Variants in TMEM94 observed in about 807,000 individuals in gnomAD.
TMEM94 encodes transmembrane protein 94.
Under a neutral mutation model 158.6 loss-of-function variants are expected in TMEM94, and 81 were observed. The observed-to-expected ratio is 0.51, with a 90% CI of 0.43 to 0.61. TMEM94 has a LOEUF of 0.61. Among genes scored for constraint, TMEM94 ranks in the 20% least tolerant of loss-of-function variants. TMEM94 has a pLI of 0.00. For synonymous variants in TMEM94, 751 were observed against 730.7 expected (o/e 1.03, Z -0.45); for missense variants, 1,435 against 1,762.0 (o/e 0.81, Z 3.32).
intron 2 of TMEM94, among the ~76,000 whole-genome samples, chr17:75,478,217 C>T (rs1164348756): frequency 4.2e-5 from 6 of 142,044 alleles, no homozygotes; most frequent in Non-Finnish European, 9.2e-5. Context: ...CGGGGTTTCA[C>T]CGTTTTAGCC....
chr17:75,495,047 G>A lies in TMEM94; in HGVS notation c.2728+13G>A. ...GACCTGAATCAGGGTAAGGGCAAAG[G>A]CGTGGGGTGGGGACGGGGTGGCGGT... is the stretch of plus-strand genomic sequence containing the variant. On this transcript the variant is annotated intron_variant, in intron 20 of 31. Transcript: ENST00000314256. This position sits in a 1 kb window ranked among gnomAD's most constrained non-coding sequence, Gnocchi z 5.6. The A allele has an allele frequency of 6.2e-7, 1 of 1,611,130 alleles. No homozygotes were observed. The highest frequency in any genetic ancestry group is 8.5e-7 in the Non-Finnish European group (1 of 1,178,750).
At position 75,492,261 on chromosome 17, in the gene TMEM94, T is replaced by C; in HGVS notation, c.1597-213T>C. The C allele has an allele frequency of 2.1e-6, 3 of 1,425,642 alleles. No individual in the cohort carries two copies. The highest frequency in any genetic ancestry group is 2.7e-6 in the Non-Finnish European group (3 of 1,095,654). The allele number at this position is 1,425,642 out of a possible 1,614,324, so 88.3% of individuals were successfully genotyped here. A position where few individuals can be genotyped will look rare whatever the true frequency, so the allele number is the denominator to read the frequency against. ...TAGCTCCTGCCAGTGTCATGAGATA[T>C]ATTAATAGTCCATAGAAGCAGACAG... On this transcript the variant is annotated intron_variant, in intron 14 of 31. Transcript: ENST00000314256. This position sits in a 1 kb window ranked among gnomAD's most constrained non-coding sequence, Gnocchi z 4.4.
chr17:75,493,729 C>T lies in TMEM94; in HGVS notation c.2220C>T (p.Ala740=), dbSNP rs1188020230. ...AAGTGCTGGACTTCTACCAGCGAGCCTGCCTGTCTGGGTATTGCTCTGCCT... is the reference window on the plus strand; with the variant it reads ...AAGTGCTGGACTTCTACCAGCGAGCTTGCCTGTCTGGGTATTGCTCTGCCT... ...RKKVLDFYQR[A]CLSGYCSAFA... Residue 740 remains alanine, a synonymous_variant, in exon 18 of 32, where the codon GCC becomes GCT. Coordinates refer to ENST00000314256, the MANE Select transcript of TMEM94 (RefSeq NM_014738.6). The T allele has an allele frequency of 6.8e-6, 11 of 1,613,998 alleles. No homozygotes were observed. Among genetic ancestry groups the T allele is most frequent in the Non-Finnish European group, 7.6e-6 (9 of 1,180,044 alleles).
rs772873793 is a variant in TMEM94, at chr17:75,491,403, G to C, written c.1334G>C (p.Ser445Thr). ...GGGAAGGTGGAGCCCCCTCACAGCA[G>C]CCATGAGGACCTCACCGATGGCCTA... Reference protein sequence around the residue: ...FSGKVEPPHSSHEDLTDGLST... With the variant: ...FSGKVEPPHSTHEDLTDGLST... Residue 445 changes from serine (S) to threonine (T), a missense_variant, in exon 13 of 32, where the codon AGC becomes ACC. By Grantham distance (58) the Ser-to-Thr change is moderately conservative. Transcript: ENST00000314256. This position sits in a 1 kb window ranked among gnomAD's most constrained non-coding sequence, Gnocchi z 5.1. 4.9e-5 allele frequency: 79 copies of C among 1,614,026 alleles called. No individual in the cohort carries two copies. The highest frequency in any genetic ancestry group is 6.6e-5 in the Non-Finnish European group (78 of 1,180,040).
chr17:75,491,525 G>A lies in TMEM94; in HGVS notation c.1386+70G>A, dbSNP rs774825244. 3.7e-6 allele frequency: 6 copies of A among 1,607,990 alleles called. No homozygotes were observed. Among genetic ancestry groups the A allele is most frequent in the Non-Finnish European group, 4.3e-6 (5 of 1,175,840 alleles). On this transcript the variant is annotated intron_variant, in intron 13 of 31. Transcript: ENST00000314256. This position sits in a 1 kb window ranked among gnomAD's most constrained non-coding sequence, Gnocchi z 5.1. ...CCAGGCTGTTTAGCCTTGGAGCCTGGCCAGGGAGGGTGAGGTTTCGGAGGG... is the reference window on the plus strand; with the variant it reads ...CCAGGCTGTTTAGCCTTGGAGCCTGACCAGGGAGGGTGAGGTTTCGGAGGG...
rs1598436010 is a variant in TMEM94 at position 75,496,557 on chromosome 17, C to A, written c.3243+86C>A. Reference sequence around the variant, plus strand: ...TAGCAGCAAAGGACCTGTTTGAACCCGGGGACCTCATTCCCCAGCCCTCCG... The same window carrying A: ...TAGCAGCAAAGGACCTGTTTGAACCAGGGGACCTCATTCCCCAGCCCTCCG... On this transcript the variant is annotated intron_variant, in intron 24 of 31. Transcript: ENST00000314256. The A allele has an allele frequency of 2.7e-6, 4 of 1,490,082 alleles. No homozygotes were observed. In the African/African-American group the frequency reaches 5.5e-5, roughly 21 times the overall value. 92.3% of individuals were successfully genotyped at this position (1,490,082 alleles called of 1,614,324 possible).
chr17:75,465,685 T>A (rs957279129), intron 1 of TMEM94, among the ~76,000 whole-genome samples: 61 of 108,768 alleles, frequency 5.6e-4, no homozygotes, highest in African/African-American at 1.6e-3. Context: ...ATATATTTTT[T>A]TTTAATCCCA....
At position 75,485,620 on chromosome 17, in the gene TMEM94, C is replaced by T. The variant is rs2051528334; in HGVS notation, c.144+73C>T. On this transcript the variant is annotated intron_variant, in intron 3 of 31. Coordinates refer to ENST00000314256, the MANE Select transcript of TMEM94 (RefSeq NM_014738.6). This position sits in a 1 kb window ranked among gnomAD's most constrained non-coding sequence, Gnocchi z 5.5. ...AAGTGTGGGAGGCCCCTTCTCAGGA[C>T]TCTGATGTACCCTGTCACCCTGGAC... is the stretch of plus-strand genomic sequence containing the variant. 1.3e-6 allele frequency: 2 copies of T among 1,590,524 alleles called. No individual in the cohort carries two copies. Among genetic ancestry groups the T allele is most frequent in the African/African-American group, 1.3e-5 (1 of 74,518 alleles).
intron 2 of TMEM94, among the ~76,000 whole-genome samples, chr17:75,478,249 C>T (rs1350837284): frequency 7.1e-6 from 1 of 141,320 alleles, no homozygotes; most frequent in African/African-American, 2.6e-5. Context: ...GATCTCCTGA[C>T]CTCGTGATCC....
Position 75,485,408 on chromosome 17 carries a change from C to T in TMEM94, c.25-20C>T, listed in dbSNP as rs375906791. 1.7e-5 allele frequency: 27 copies of T among 1,605,492 alleles called. No homozygotes were observed. Among genetic ancestry groups the T allele is most frequent in the African/African-American group, 9.4e-5 (7 of 74,782 alleles). On this transcript the variant is annotated intron_variant, in intron 2 of 31. Transcript: ENST00000314256. This position sits in a 1 kb window ranked among gnomAD's most constrained non-coding sequence, Gnocchi z 5.5. ...GCCTTGGCCTGGCAGTGACGCCCAG[C>T]GCCTCCTGCTTGCCTGCAGGGCGAG...
intron 6 of TMEM94, 37 bp from the exon 7 acceptor site, chr17:75,488,722 A>G (rs201837829): frequency 6.5e-7 from 1 of 1,533,888 alleles, no homozygotes; most frequent in Non-Finnish European, 9.0e-7. Flanking sequence ...CTCTGATAGG[A>G]CCCTCTCGTT....
chr17:75,476,520 T>C (rs2050698443), intron 2 of TMEM94: 1 of 1,419,732 alleles, frequency 7.0e-7, no homozygotes. Flanking sequence ...AGATTGAAGC[T>C]CTGCTCTGCT....
rs749396369 is a variant in TMEM94 at position 75,496,837 on chromosome 17, C to G, written c.3321+30C>G. The G allele has an allele frequency of 1.4e-5, 23 of 1,600,050 alleles. No homozygotes were observed. The South Asian group carries it at 1.7e-4, about 11-fold the overall frequency. ...GGTGGGGCCCGCACAGGCATTGCCCCCGTGCCACTCACCCCTTCACTCAGG... is the reference window on the plus strand; with the variant it reads ...GGTGGGGCCCGCACAGGCATTGCCCGCGTGCCACTCACCCCTTCACTCAGG... On this transcript the variant is annotated intron_variant, in intron 25 of 31. Coordinates refer to ENST00000314256, the MANE Select transcript of TMEM94 (RefSeq NM_014738.6).
chr17:75,490,600 G>T lies in TMEM94; in HGVS notation c.1072-102G>T, dbSNP rs2052077861. The T allele has an allele frequency of 8.8e-6, 10 of 1,130,618 alleles. No homozygotes were observed. In the East Asian group the frequency reaches 2.4e-4, roughly 28 times the overall value. 70.0% of individuals were successfully genotyped at this position (1,130,618 alleles called of 1,614,324 possible). On this transcript the variant is annotated intron_variant, in intron 10 of 31. Coordinates refer to ENST00000314256, the MANE Select transcript of TMEM94 (RefSeq NM_014738.6). The stretch of plus-strand genomic sequence containing the variant: ...ACGGCCTGGGCCCTTTACCAAAGGG[G>T]TTGGGAGCCCCGCTGGTGTGGGCCC...
intron 1 of TMEM94, among the ~76,000 whole-genome samples, chr17:75,459,063 A>G (rs2049984607): frequency 6.6e-6 from 1 of 151,936 alleles, no homozygotes; most frequent in African/African-American, 2.4e-5. Flanking sequence ...TCTCAAAAAA[A>G]AAAAAACAAA....
chr17:75,496,857 C>T (rs763523945), intron 25 of TMEM94, 50 bp downstream of exon 25: 1 of 1,558,936 alleles, frequency 6.4e-7, no homozygotes. Flanking sequence ...CACCCCTTCA[C>T]TCAGGGGCCA....
chr17:75,486,491 C>T (rs962466286), intron 5 of TMEM94, 65 bp downstream of exon 5: 41 of 1,599,010 alleles, frequency 2.6e-5, no homozygotes, highest in African/African-American at 4.0e-5. Context: ...CCTGAGGGCT[C>T]CCCTCCTGCA....
Position 75,490,799 on chromosome 17 carries a change from A to G in TMEM94, c.1128+41A>G, listed in dbSNP as rs770825210. The G allele has an allele frequency of 1.5e-5, 23 of 1,576,452 alleles. 1 individual carries two copies. The South Asian group carries it at 2.4e-4, about 17-fold the overall frequency. ...GGGATGGCTTCTCTCGCAGGTCCCTAGAGCCATAACCCTGGGACTCCCCTA... is the reference window on the plus strand; with the variant it reads ...GGGATGGCTTCTCTCGCAGGTCCCTGGAGCCATAACCCTGGGACTCCCCTA... On this transcript the variant is annotated intron_variant, in intron 11 of 31. Coordinates refer to ENST00000314256, the MANE Select transcript of TMEM94 (RefSeq NM_014738.6).
Position 75,489,789 on chromosome 17 carries a change from A to T in TMEM94, c.954+127A>T. ...TCCCCTCACGCTTCAGCTTAAGAAC[A>T]CCTCTTTCCAGCTGGGCGTGGGGAC... is the stretch of plus-strand genomic sequence containing the variant. On this transcript the variant is annotated intron_variant, in intron 9 of 31. Coordinates refer to ENST00000314256, the MANE Select transcript of TMEM94 (RefSeq NM_014738.6). This position sits in a 1 kb window ranked among gnomAD's most constrained non-coding sequence, Gnocchi z 5.0. The T allele has an allele frequency of 1.2e-6, 1 of 807,548 alleles. No homozygotes were observed. Among genetic ancestry groups the T allele is most frequent in the Non-Finnish European group, 2.0e-6 (1 of 493,118 alleles). 50.0% of individuals were successfully genotyped at this position (807,548 alleles called of 1,614,324 possible).
Sources: gnomAD v4.1 joint callset for allele counts (sites outside exome capture counted in the v4.1 genomes callset) on GRCh38, gnomAD v4.1.1 for gene constraint, Gnocchi (gnomAD v3.1) non-coding constraint, MANE v1.5 for transcripts, NCBI Gene and HGNC (gene_info 2026-07-23, HGNC 2026-07-21) for gene names.